Variants in BMPER observed in about 807,000 individuals in gnomAD.
The protein encoded by BMPER is BMP binding endothelial regulator.
BMPER carries 45 observed loss-of-function variants against 87.3 expected under a neutral mutation model. The observed-to-expected ratio is 0.52, with a 90% CI of 0.41 to 0.66. The LOEUF (loss-of-function observed/expected upper bound fraction) is 0.66. Ranked by LOEUF, BMPER falls within the 30% of genes least tolerant of loss-of-function variation. BMPER has a pLI of 0.00. For missense variants in BMPER, 784 were observed against 867.5 expected, an observed-to-expected ratio of 0.90 and a Z score of 1.21; for synonymous variants, 326 against 316.2, an observed-to-expected ratio of 1.03 and a Z score of -0.33.
At position 33,925,078 on chromosome 7, in the gene BMPER, G is replaced by A. The variant is rs78644075; in HGVS notation, c.220-12211G>A. Reference sequence around the variant, plus strand: ...AGTGCCCATGAGATCATGCGTGGGTGTGTTCCCTGCAGTCGTCCCTGCTAG... The same window carrying A: ...AGTGCCCATGAGATCATGCGTGGGTATGTTCCCTGCAGTCGTCCCTGCTAG... On this transcript the variant is annotated intron_variant, in intron 2 of 14. Coordinates refer to ENST00000649409, the MANE Select transcript of BMPER (RefSeq NM_001365308.1). Among the ~76,000 whole-genome samples the A allele has an allele frequency of 2.6e-4, 39 of 152,296 alleles. 1 individual carries two copies. In the East Asian group the frequency reaches 6.4e-3, roughly 25 times the overall value.
At chr7:34,064,288 C>CAA (rs5883444) in intron 11 of BMPER, among the ~76,000 whole-genome samples, 29,853 of 146,096 alleles carry the variant, frequency 0.2, 3,113 homozygotes, top group Middle Eastern at 0.27. Context: ...AAGACTCTGT[C>CAA]AAAAAAAAAA....
chr7:33,921,295 A>G (rs1393174716), intron 2 of BMPER, among the ~76,000 whole-genome samples: 1 of 152,212 alleles, frequency 6.6e-6, no homozygotes, highest in African/African-American at 2.4e-5. Flanking sequence ...GGATAGTCCA[A>G]ACTTCATTTT....
At chr7:34,000,452 G>C (rs1032136299) in intron 6 of BMPER, among the ~76,000 whole-genome samples, 2 of 152,038 alleles carry the variant, frequency 1.3e-5, no homozygotes, top group African/African-American at 4.8e-5. Flanking sequence ...AAATTTCCTA[G>C]TGTGTATTAT....
At chr7:34,003,180 T>TAC (rs568097275) in intron 6 of BMPER, among the ~76,000 whole-genome samples, 62 of 151,438 alleles carry the variant, frequency 4.1e-4, no homozygotes, top group Non-Finnish European at 7.8e-4. Context: ...TAAATGTGTG[T>TAC]ACACACACAC....
At chr7:34,003,752 T>A (rs1380922012) in intron 6 of BMPER, among the ~76,000 whole-genome samples, 1 of 152,122 alleles carries the variant, frequency 6.6e-6, no homozygotes, top group East Asian at 1.9e-4. Context: ...GAATATGTTC[T>A]GTCCTTAGTG....
intron 6 of BMPER, among the ~76,000 whole-genome samples, chr7:34,036,542 C>T (rs571636218): frequency 1.2e-4 from 18 of 152,198 alleles, no homozygotes; most frequent in African/African-American, 4.3e-4. Context: ...AAAGACCTTG[C>T]TGGGGGCAGA....
chr7:34,087,159 G>A lies in BMPER; in HGVS notation c.1745+1067G>A, dbSNP rs142071049. Among the ~76,000 whole-genome samples the A allele has an allele frequency of 1.4e-3, 209 of 152,172 alleles. 1 individual carries two copies. The highest frequency in any genetic ancestry group is 4.8e-3 in the African/African-American group (199 of 41,504). On this transcript the variant is annotated intron_variant, in intron 13 of 14. Transcript: ENST00000649409. ...ACTGTCCCTGTCATCACAAATCCCC[G>A]AACATGGCTGTATGTGCCAAACCAT...
In BMPER at chr7:34,047,502, C is replaced by T. The variant is rs558293511; in HGVS notation, c.676+1097C>T. On this transcript the variant is annotated intron_variant, in intron 7 of 14. Transcript: ENST00000649409. ...TCATGTTGGCCTGGATGGTCTCGAT[C>T]TCCTGACCTTGTGATCCACCCACCT... Among the ~76,000 whole-genome samples the T allele has an allele frequency of 4.6e-5, 7 of 152,146 alleles. No individual in the cohort carries two copies. In the South Asian group the frequency reaches 8.3e-4, roughly 18 times the overall value.
chr7:34,015,256 C>T (rs1456237318), intron 6 of BMPER, among the ~76,000 whole-genome samples: 2 of 151,958 alleles, frequency 1.3e-5, no homozygotes, highest in Admixed American at 6.6e-5. Flanking sequence ...GGACAAGTTA[C>T]TTAACTGCCC....
intron 7 of BMPER, 29 bp from the exon 8 acceptor site, chr7:34,051,832 A>T (rs1472349784): frequency 3.2e-6 from 5 of 1,555,094 alleles, no homozygotes; most frequent in Non-Finnish European, 3.6e-6. Context: ...ATTCTGTCTT[A>T]CTTACACTGT....
At chr7:34,067,888 A>G (rs1429861267) in intron 11 of BMPER, among the ~76,000 whole-genome samples, 1 of 152,242 alleles carries the variant, frequency 6.6e-6, no homozygotes, top group South Asian at 2.1e-4. Flanking sequence ...GCTGTAAATT[A>G]GTACAGAGTT....
At chr7:33,990,398 A>G (rs1404414376) in intron 6 of BMPER, among the ~76,000 whole-genome samples, 25 of 138,680 alleles carry the variant, frequency 1.8e-4, no homozygotes, top group Admixed American at 1.6e-3. Flanking sequence ...GAGTTCACTC[A>G]TGATTTGGCT....
chr7:34,152,759 G>T (rs571372384), intron 14 of BMPER, among the ~76,000 whole-genome samples: 1 of 152,248 alleles, frequency 6.6e-6, no homozygotes, highest in Admixed American at 6.5e-5. Flanking sequence ...AGGACTATTT[G>T]CAGCAGATGT....
At chr7:33,980,310 T>C (rs1785817509) in intron 6 of BMPER, among the ~76,000 whole-genome samples, 1 of 152,218 alleles carries the variant, frequency 6.6e-6, no homozygotes, top group Non-Finnish European at 1.5e-5. Context: ...GTGCATTCTT[T>C]ATGAGATGTG....
chr7:33,964,103 A>C (rs1267251825), intron 3 of BMPER, among the ~76,000 whole-genome samples: 2 of 152,182 alleles, frequency 1.3e-5, no homozygotes, highest in Non-Finnish European at 2.9e-5. Flanking sequence ...TCTATATCTG[A>C]GTCTTCATTT....
At chr7:34,101,200 T>C (rs1488250139) in intron 13 of BMPER, among the ~76,000 whole-genome samples, 1 of 152,222 alleles carries the variant, frequency 6.6e-6, no homozygotes, top group Non-Finnish European at 1.5e-5. Flanking sequence ...TTATCTATAT[T>C]TTAATAGAAG....
chr7:33,956,169 G>A (rs1785143673), intron 3 of BMPER, among the ~76,000 whole-genome samples: 1 of 152,134 alleles, frequency 6.6e-6, no homozygotes, highest in Non-Finnish European at 1.5e-5. Flanking sequence ...GGGACCTAGA[G>A]CTAGGCAGAG....
Position 34,061,981 on chromosome 7 carries a change from AT to A in BMPER, c.1033-18del. 6.7e-7 allele frequency: 1 copy of A among 1,481,664 alleles called. No individual in the cohort carries two copies. Among genetic ancestry groups the A allele is most frequent in the Non-Finnish European group, 9.2e-7 (1 of 1,087,670 alleles). The allele number at this position is 1,481,664 out of a possible 1,614,324, so 91.8% of individuals were successfully genotyped here. Reference sequence around the variant, plus strand: ...TTTTTTTTTTAAACAGTAACTTTGTATTTGTTTTTCTTCTGATTAGGGCAAA... The same window carrying A: ...TTTTTTTTTTAAACAGTAACTTTGTATTGTTTTTCTTCTGATTAGGGCAAA... On this transcript the variant is annotated intron_variant, in intron 10 of 14. Coordinates refer to ENST00000649409, the MANE Select transcript of BMPER (RefSeq NM_001365308.1).
At chr7:33,910,622 G>A (rs920386979) in intron 2 of BMPER, among the ~76,000 whole-genome samples, 1 of 152,208 alleles carries the variant, frequency 6.6e-6, no homozygotes, top group South Asian at 2.1e-4. Flanking sequence ...ATTATTCTGA[G>A]GTTGAAATTT....
Sources: gnomAD v4.1 joint callset for allele counts (sites outside exome capture counted in the v4.1 genomes callset) on GRCh38, gnomAD v4.1.1 for gene constraint, MANE v1.5 for transcripts, NCBI Gene and HGNC (gene_info 2026-07-23, HGNC 2026-07-21) for gene names.